Variants in ID4 observed in about 807,000 individuals in gnomAD.
ID4 encodes the protein inhibitor of DNA binding 4.
ID4 carries 9 observed loss-of-function variants against 8.6 expected under a neutral mutation model. The observed-to-expected ratio is 1.04, with a 90% CI of 0.63 to 1.82. The LOEUF (loss-of-function observed/expected upper bound fraction) is 1.82. ID4 is among the 40% of genes most tolerant of loss of function. ID4 has a pLI of 0.00. For missense variants in ID4, 270 were observed against 235.1 expected (o/e 1.15, Z -0.97); for synonymous variants, 180 against 118.0 (o/e 1.53, Z -3.41).
chr6:19,838,978 C>T (rs541741046), intron 2 of ID4: 2 of 309,142 alleles, frequency 6.5e-6, no homozygotes, highest in Non-Finnish European at 6.0e-6. Flanking sequence ...CCCGTGCAGT[C>T]TGTCACCCAC....
chr6:19,838,191 A>AG lies in ID4; in HGVS notation c.437_438insG (p.Asp146GlufsTer34). On this transcript the variant is annotated frameshift_variant, in exon 1 of 3. Transcript: ENST00000378700. LOFTEE classifies it high-confidence loss of function. ...ACCCCGCTCACTGCGCTCAACACCG[A>AG]CCCGGTGAGAGGCCGGGCGCCGGCC... 1 of 1,388,156 alleles carries AG rather than the reference A, an allele frequency of 7.2e-7. No individual in the cohort carries two copies. Among genetic ancestry groups the AG allele is most frequent in the Non-Finnish European group, 9.3e-7 (1 of 1,074,934 alleles). 86.0% of individuals were successfully genotyped at this position (1,388,156 alleles called of 1,614,324 possible).
At position 19,837,739 on chromosome 6, in the gene ID4, G is replaced by C. The variant is rs1442160544; in HGVS notation, c.-16G>C. ...GCCCCAGCGGGTTCGCTCGCGTAGA[G>C]CGCAGGGCGCGCGCGATGAAGGCGG... On this transcript the variant is annotated 5_prime_UTR_variant, in exon 1 of 3. Coordinates refer to ENST00000378700, the MANE Select transcript of ID4 (RefSeq NM_001546.4). 1 of 1,124,386 alleles carries C rather than the reference G, an allele frequency of 8.9e-7. No individual in the cohort carries two copies. The highest frequency in any genetic ancestry group is 1.7e-5 in the African/African-American group (1 of 60,232). The allele number at this position is 1,124,386 out of a possible 1,614,324, so 69.7% of individuals were successfully genotyped here. A position where few individuals can be genotyped will look rare whatever the true frequency, so the allele number is the denominator to read the frequency against.
At chr6:19,838,359 C>T (rs561426636) in intron 1 of ID4, among the ~76,000 whole-genome samples, 164 bp downstream of exon 1, 68 of 152,198 alleles carry the variant, frequency 4.5e-4, no homozygotes, top group African/African-American at 1.6e-3. Flanking sequence ...CAGCAGCCGG[C>T]CGGGCTCGGC....
In ID4 at chr6:19,837,572, T is replaced by C; in HGVS notation, c.-183T>C. 1 of 271,144 alleles carries C rather than the reference T, an allele frequency of 3.7e-6. No individual in the cohort carries two copies. The highest frequency in any genetic ancestry group is 6.2e-6 in the Non-Finnish European group (1 of 160,814). 16.8% of individuals were successfully genotyped at this position (271,144 alleles called of 1,614,324 possible). Reference sequence around the variant, plus strand: ...CTGAGTGTCGCCCACTGAGCAAAGATTCCCTCGTAAAACCCAGAGCGACCC... The same window carrying C: ...CTGAGTGTCGCCCACTGAGCAAAGACTCCCTCGTAAAACCCAGAGCGACCC... On this transcript the variant is annotated 5_prime_UTR_variant, in exon 1 of 3. Transcript: ENST00000378700.
chr6:19,838,130 C>T lies in ID4; in HGVS notation c.376C>T (p.His126Tyr). The T allele has an allele frequency of 1.3e-6, 2 of 1,576,232 alleles. No homozygotes were observed. Among genetic ancestry groups the T allele is most frequent in the African/African-American group, 1.4e-5 (1 of 73,384 alleles). ...GCCACCACCGCCCGCGCCGCCACAC[C>T]ACCCGGCCGGGACCTGTCCAGCCGC... ...RQPPPPAPPHHPAGTCPAAPP... is the reference protein window; with the variant it reads ...RQPPPPAPPHYPAGTCPAAPP... Residue 126 changes from histidine to tyrosine, a missense_variant, in exon 1 of 3, where the codon CAC (histidine) becomes TAC (tyrosine). By Grantham distance (83) the His-to-Tyr change is moderately conservative (BLOSUM62 2). Around this residue, in one of 3 missense-constraint regions of ID4, gnomAD observed 107 missense variants for 81.0 expected, o/e 1.32. Coordinates refer to ENST00000378700, the MANE Select transcript of ID4 (RefSeq NM_001546.4).
In ID4 at chr6:19,841,328, T is replaced by G. The variant is rs780722548; in HGVS notation, c.*2133T>G. The stretch of plus-strand genomic sequence containing the variant: ...TAGAGTGCTGCTGGAATTCCAAATC[T>G]GAAGAATTCTAACGACTGCATTCTT... On this transcript the variant is annotated 3_prime_UTR_variant, in exon 3 of 3. Coordinates refer to ENST00000378700, the MANE Select transcript of ID4 (RefSeq NM_001546.4). Among the ~76,000 whole-genome samples, 1 of 152,200 alleles carries G rather than the reference T, an allele frequency of 6.6e-6. No homozygotes were observed. Among genetic ancestry groups the G allele is most frequent in the Non-Finnish European group, 1.5e-5 (1 of 68,010 alleles).
Position 19,838,030 on chromosome 6 carries a change from G to A in ID4, c.276G>A (p.Glu92=), listed in dbSNP as rs1371898954. ...IPPNKKVSKV[E]ILQHVIDYIL... is the part of the protein sequence containing the mutation. ...CCAACAAGAAAGTCAGCAAAGTGGA[G>A]ATCCTGCAGCACGTTATCGACTACA... is the stretch of plus-strand genomic sequence containing the variant. The change falls in exon 1 of 3, where the codon GAG becomes GAA. Residue 92 remains glutamate, a synonymous_variant. Coordinates refer to ENST00000378700, the MANE Select transcript of ID4 (RefSeq NM_001546.4). The A allele has an allele frequency of 1.9e-6, 3 of 1,606,176 alleles. No individual in the cohort carries two copies. The highest frequency in any genetic ancestry group is 1.3e-5 in the African/African-American group (1 of 74,478).
Position 19,840,714 on chromosome 6 carries a change from C to T in ID4, c.*1519C>T, listed in dbSNP as rs1280430532. On this transcript the variant is annotated 3_prime_UTR_variant, in exon 3 of 3. Coordinates refer to ENST00000378700, the MANE Select transcript of ID4 (RefSeq NM_001546.4). ...GATTTCTGGTCTCATTTCTTTAAAA[C>T]CTTACTCTTATTTTTCTTTTAAGGC... is the stretch of plus-strand genomic sequence containing the variant. The T allele has an allele frequency of 1.4e-5, 2 of 138,728 alleles. No homozygotes were observed. Among genetic ancestry groups the T allele is most frequent in the East Asian group, 3.9e-4 (2 of 5,184 alleles). 8.6% of individuals were successfully genotyped at this position (138,728 alleles called of 1,614,324 possible). A position where few individuals can be genotyped will look rare whatever the true frequency, so the allele number is the denominator to read the frequency against.
chr6:19,839,809 A>G lies in ID4; in HGVS notation c.*614A>G, dbSNP rs955663548. 2 of 152,090 alleles carry G rather than the reference A, an allele frequency of 1.3e-5. No individual in the cohort carries two copies. Among genetic ancestry groups the G allele is most frequent in the Non-Finnish European group, 2.9e-5 (2 of 67,938 alleles). The allele number at this position is 152,090 out of a possible 1,614,324, so 9.4% of individuals were successfully genotyped here. ...TGTAATTATAAGATATTTTTAATTAAATATTTTTTTGTAAATATTATGTGT... is the reference window on the plus strand; with the variant it reads ...TGTAATTATAAGATATTTTTAATTAGATATTTTTTTGTAAATATTATGTGT... On this transcript the variant is annotated 3_prime_UTR_variant, in exon 3 of 3. Coordinates refer to ENST00000378700, the MANE Select transcript of ID4 (RefSeq NM_001546.4).
In ID4 at chr6:19,837,918, C is replaced by CGGCGGCCGACGA; in HGVS notation, c.166_177dup (p.Ala56_Glu59dup). The CGGCGGCCGACGA allele has an allele frequency of 1.4e-6, 2 of 1,426,944 alleles. No individual in the cohort carries two copies. The highest frequency in any genetic ancestry group is 1.5e-5 in the African/African-American group (1 of 67,792). 88.4% of individuals were successfully genotyped at this position (1,426,944 alleles called of 1,614,324 possible). On this transcript the variant is annotated inframe_insertion, in exon 1 of 3. Transcript: ENST00000378700. ...GCAGCGCGCTGTAAGGCGGCCGAGG[C>CGGCGGCCGACGA]GGCGGCCGACGAGCCGGCGCTGTGC...
chr6:19,837,950 T>C lies in ID4; in HGVS notation c.196T>C (p.Cys66Arg), dbSNP rs1041003290. The C allele has an allele frequency of 1.0e-5, 16 of 1,543,296 alleles. No homozygotes were observed. Among genetic ancestry groups the C allele is most frequent in the Non-Finnish European group, 1.4e-5 (16 of 1,145,326 alleles). ...AADEPALCLQCDMNDCYSRLR... is the reference protein window; with the variant it reads ...AADEPALCLQRDMNDCYSRLR... ...CGACGAGCCGGCGCTGTGCCTGCAG[T>C]GCGATATGAACGACTGCTATAGCCG... is the stretch of plus-strand genomic sequence containing the variant. The change falls in exon 1 of 3, where the codon TGC (cysteine) becomes CGC (arginine). Residue 66 changes from cysteine to arginine, a missense_variant. Coordinates refer to ENST00000378700, the MANE Select transcript of ID4 (RefSeq NM_001546.4).
rs552420304 is a variant in ID4, at chr6:19,841,713, T to A, written c.*2518T>A. Among the ~76,000 whole-genome samples the A allele has an allele frequency of 1.8e-4, 28 of 152,342 alleles. 2 individuals carry two copies. The South Asian group carries it at 5.6e-3, about 30-fold the overall frequency. ...AGAAACAAAGTCATTGTTTATTTTTTAAAAAATTATATGCAGTTGTACAAG... is the reference window on the plus strand; with the variant it reads ...AGAAACAAAGTCATTGTTTATTTTTAAAAAAATTATATGCAGTTGTACAAG... On this transcript the variant is annotated 3_prime_UTR_variant, in exon 3 of 3. Transcript: ENST00000378700.
Position 19,837,801 on chromosome 6 carries a change from C to G in ID4, c.47C>G (p.Ser16Trp). The G allele has an allele frequency of 8.8e-7, 1 of 1,130,048 alleles. No individual in the cohort carries two copies. The highest frequency in any genetic ancestry group is 1.1e-6 in the Non-Finnish European group (1 of 923,776). The allele number at this position is 1,130,048 out of a possible 1,614,324, so 70.0% of individuals were successfully genotyped here. A position where few individuals can be genotyped will look rare whatever the true frequency, so the allele number is the denominator to read the frequency against. ...CGCCCCTCGGGCCGCAAGGCGCCGT[C>G]GGGCTGCGGCGGCGGGGAGCTGGCG... is the stretch of plus-strand genomic sequence containing the variant. Reference protein sequence around the residue: ...PVRPSGRKAPSGCGGGELALR... With the variant: ...PVRPSGRKAPWGCGGGELALR... Residue 16 changes from serine (S) to tryptophan (W), a missense_variant, in exon 1 of 3, where the codon TCG becomes TGG. Physicochemically the swap from Ser to Trp is radical, Grantham distance 177. This residue lies in a region of ID4 where 160 missense variants were observed against 131.5 expected (regional missense o/e 1.22). Transcript: ENST00000378700.
Position 19,840,527 on chromosome 6 carries a change from A to AT in ID4, c.*1334dup, listed in dbSNP as rs1285995950. On this transcript the variant is annotated 3_prime_UTR_variant, in exon 3 of 3. Transcript: ENST00000378700. ...CAGGGATAAAAGTCGATCTTCAAAC[A>AT]TTAACTTAAGCAGACCAAAAATTCT... is the stretch of plus-strand genomic sequence containing the variant. 1 of 152,624 alleles carries AT rather than the reference A, an allele frequency of 6.6e-6. No individual in the cohort carries two copies. The highest frequency in any genetic ancestry group is 1.9e-4 in the East Asian group (1 of 5,198). 9.5% of individuals were successfully genotyped at this position (152,624 alleles called of 1,614,324 possible).
At chr6:19,838,367 G>C (rs1433614483) in intron 1 of ID4, among the ~76,000 whole-genome samples, 172 bp downstream of exon 1, 1 of 152,044 alleles carries the variant, frequency 6.6e-6, no homozygotes. Context: ...GGCCGGGCTC[G>C]GCGAGCGCGG....
chr6:19,841,626 A>G lies in ID4; in HGVS notation c.*2431A>G, dbSNP rs1761360502. Among the ~76,000 whole-genome samples the G allele has an allele frequency of 6.6e-6, 1 of 152,226 alleles. No homozygotes were observed. The highest frequency in any genetic ancestry group is 2.4e-5 in the African/African-American group (1 of 41,468). On this transcript the variant is annotated 3_prime_UTR_variant, in exon 3 of 3. Coordinates refer to ENST00000378700, the MANE Select transcript of ID4 (RefSeq NM_001546.4). ...CTGAAAGAAGAAAAGTGCTACAGAT[A>G]CTACATTTCAAAGAGTTGGCATTTT...
chr6:19,837,880 G>A lies in ID4; in HGVS notation c.126G>A (p.Ala42=), dbSNP rs1761255598. The A allele has an allele frequency of 7.8e-7, 1 of 1,282,760 alleles. No homozygotes were observed. The highest frequency in any genetic ancestry group is 9.9e-7 in the Non-Finnish European group (1 of 1,014,814). 79.5% of individuals were successfully genotyped at this position (1,282,760 alleles called of 1,614,324 possible). The change falls in exon 1 of 3, where the codon GCG becomes GCA. Residue 42 remains alanine, a synonymous_variant. Transcript: ENST00000378700. ...GCCTGGGTGGCTCCGCAGCCGCGGC[G>A]GCGGCGGCGGCGGCAGCGCGCTGTA... The part of the protein sequence containing the change: ...GHSLGGSAAA[A]AAAAAARCKA...
rs1761266640 is a variant in ID4 at position 19,838,161 on chromosome 6, C to T, written c.407C>T (p.Pro136Leu). 2 of 1,509,068 alleles carry T rather than the reference C, an allele frequency of 1.3e-6. No individual in the cohort carries two copies. Among genetic ancestry groups the T allele is most frequent in the South Asian group, 1.3e-5 (1 of 78,998 alleles). The allele number at this position is 1,509,068 out of a possible 1,614,324, so 93.5% of individuals were successfully genotyped here. Residue 136 changes from proline (P) to leucine (L), a missense_variant, in exon 1 of 3, where the codon CCG (proline) becomes CTG (leucine). Pro to Leu is a moderately conservative substitution (Grantham distance 98). Around this residue, in one of 3 missense-constraint regions of ID4, gnomAD observed 107 missense variants for 81.0 expected, o/e 1.32. Transcript: ENST00000378700. ...HPAGTCPAAP[P>L]RTPLTALNTD... is the part of the protein sequence containing the mutation. ...GCCGGGACCTGTCCAGCCGCGCCGC[C>T]GCGGACCCCGCTCACTGCGCTCAAC...
chr6:19,838,248 G>C, intron 1 of ID4, 53 bp downstream of exon 1: 1 of 1,301,680 alleles, frequency 7.7e-7, no homozygotes, highest in Non-Finnish European at 9.7e-7. Context: ...TGGGAGGTTG[G>C]TGGCGTGGTG....
Sources: allele counts gnomAD v4.1 joint callset (sites outside exome capture counted in the v4.1 genomes callset), GRCh38; gene constraint gnomAD v4.1.1; regional missense constraint gnomAD v4.1.1; transcripts MANE v1.5; gene names NCBI Gene and HGNC (gene_info 2026-07-23, HGNC 2026-07-21).